Variants in MED12L observed in about 807,000 individuals in gnomAD.
MED12L encodes mediator complex subunit 12L.
Under a neutral mutation model 281.3 loss-of-function variants are expected in MED12L, and 60 were observed. That is an observed-to-expected ratio of 0.21 (90% CI 0.17 to 0.26). The LOEUF (loss-of-function observed/expected upper bound fraction) is 0.26. Ranked by LOEUF, MED12L falls within the 10% of genes least tolerant of loss-of-function variation. MED12L has a pLI of 1.00. For missense variants in MED12L, 2,146 were observed against 2,680.9 expected (o/e 0.80, Z 4.41); for synonymous variants, 974 against 987.2 (o/e 0.99, Z 0.25).
At chr3:151,143,349 TTAAC>T (rs1408491994) in intron 5 of MED12L, among the ~76,000 whole-genome samples, 1 of 152,242 alleles carries the variant, frequency 6.6e-6, no homozygotes, top group Non-Finnish European at 1.5e-5. Flanking sequence ...CAATGCCACT[TTAAC>T]TATTGAAACG....
At position 151,168,998 on chromosome 3, in the gene MED12L, C is replaced by T. The variant is rs1359320361; in HGVS notation, c.1494+3016C>T. On this transcript the variant is annotated intron_variant, in intron 11 of 44. Coordinates refer to ENST00000687756, the MANE Select transcript of MED12L (RefSeq NM_001393769.1). The stretch of plus-strand genomic sequence containing the variant: ...GACTAAATTAATTTTTAAAATATGT[C>T]GTTGGTATCTGTATGTATGGTATAT... Among the ~76,000 whole-genome samples the T allele has an allele frequency of 4.6e-5, 7 of 151,454 alleles. No homozygotes were observed. The South Asian group carries it at 6.3e-4, about 14-fold the overall frequency.
At chr3:151,339,588 T>G (rs377434894) in intron 16 of MED12L, among the ~76,000 whole-genome samples, 7 of 152,230 alleles carry the variant, frequency 4.6e-5, no homozygotes, top group African/African-American at 1.7e-4. Context: ...CTCAGTGTTT[T>G]GAAGTTGCTG....
At chr3:151,198,342 G>GT (rs11431846) in intron 16 of MED12L, 97,389 of 677,566 alleles carry the variant, frequency 0.14, 6,251 homozygotes, top group African/African-American at 0.5. Flanking sequence ...GTTTTTTTTT[G>GT]TTTTTTTTTT....
At chr3:151,228,187 T>C (rs1030652775) in intron 16 of MED12L, among the ~76,000 whole-genome samples, 1 of 152,224 alleles carries the variant, frequency 6.6e-6, no homozygotes, top group African/African-American at 2.4e-5. Flanking sequence ...TGCAGCATAA[T>C]GATTACATGC....
intron 32 of MED12L, among the ~76,000 whole-genome samples, chr3:151,381,441 C>T (rs538755937): frequency 6.6e-6 from 1 of 152,320 alleles, no homozygotes; most frequent in Admixed American, 6.5e-5. Flanking sequence ...ACCTTGTCTC[C>T]TACCAGTCAT....
intron 16 of MED12L, among the ~76,000 whole-genome samples, chr3:151,274,167 G>T: frequency 6.6e-6 from 1 of 152,110 alleles, no homozygotes. Context: ...AAAAGATTAA[G>T]CAATTAATGT....
chr3:151,339,928 T>A (rs188544221), intron 16 of MED12L, among the ~76,000 whole-genome samples: 74 of 152,266 alleles, frequency 4.9e-4, no homozygotes, highest in African/African-American at 1.7e-3. Flanking sequence ...ATCAGAGATA[T>A]ATTGAAAGTA....
chr3:151,150,190 T>A (rs1023050423), intron 5 of MED12L, among the ~76,000 whole-genome samples: 8 of 152,212 alleles, frequency 5.3e-5, no homozygotes, highest in Non-Finnish European at 1.0e-4. Flanking sequence ...ATGAAATATA[T>A]GTCTTAAATA....
intron 36 of MED12L, among the ~76,000 whole-genome samples, chr3:151,386,729 T>C (rs79320243): frequency 0.37 from 56,884 of 151,806 alleles, 11,136 homozygotes; most frequent in Middle Eastern, 0.48. Context: ...GTGCCTGCCA[T>C]CATGCCTGGC....
intron 5 of MED12L, among the ~76,000 whole-genome samples, chr3:151,150,764 G>A (rs1174542132): frequency 6.6e-6 from 1 of 152,226 alleles, no homozygotes; most frequent in Non-Finnish European, 1.5e-5. Context: ...CAGCATTGCT[G>A]CTTCACCTTA....
chr3:151,103,197 G>A (rs1721603623), intron 2 of MED12L, among the ~76,000 whole-genome samples: 4 of 145,018 alleles, frequency 2.8e-5, no homozygotes, highest in Non-Finnish European at 6.0e-5. Flanking sequence ...TTATGAATAT[G>A]CAAATCTAAA....
At chr3:151,118,154 G>T (rs1231470546) in intron 3 of MED12L, among the ~76,000 whole-genome samples, 1 of 151,152 alleles carries the variant, frequency 6.6e-6, no homozygotes, top group Non-Finnish European at 1.5e-5. Context: ...ATCTTTTAGG[G>T]TTTTTTTTAT....
At chr3:151,249,790 G>A (rs1736478564) in intron 16 of MED12L, among the ~76,000 whole-genome samples, 1 of 152,046 alleles carries the variant, frequency 6.6e-6, no homozygotes, top group African/African-American at 2.4e-5. Context: ...TCTTTAACAA[G>A]TTCTTCCTGG....
intron 38 of MED12L, among the ~76,000 whole-genome samples, chr3:151,393,315 G>GAAAA (rs1317550396): frequency 1.3e-5 from 2 of 152,204 alleles, no homozygotes; most frequent in Admixed American, 6.5e-5. Context: ...ATTCTTTAGA[G>GAAAA]GCTTTGATCA....
At chr3:151,220,176 T>G (rs1729068286) in intron 16 of MED12L, among the ~76,000 whole-genome samples, 1 of 150,134 alleles carries the variant, frequency 6.7e-6, no homozygotes, top group African/African-American at 2.5e-5. Context: ...TTTCTAGACT[T>G]TGCCAAATGT....
chr3:151,399,778 C>G (rs956314797), intron 39 of MED12L, among the ~76,000 whole-genome samples: 2 of 151,984 alleles, frequency 1.3e-5, no homozygotes, highest in Non-Finnish European at 2.9e-5. Flanking sequence ...CTCACTCTAT[C>G]GATCATCTAG....
chr3:151,086,682 C>T, intron 1 of MED12L, 116 bp from the exon 2 acceptor site: 1 of 363,420 alleles, frequency 2.8e-6, no homozygotes, highest in South Asian at 5.4e-5. Context: ...GCCACCGGAG[C>T]GGTGCGTCCC....
chr3:151,267,309 T>TA (rs767901342), intron 16 of MED12L, among the ~76,000 whole-genome samples: 1 of 152,202 alleles, frequency 6.6e-6, no homozygotes, highest in Non-Finnish European at 1.5e-5. Context: ...AAGGAAATGG[T>TA]AGTCATTGAA....
intron 11 of MED12L, among the ~76,000 whole-genome samples, chr3:151,174,767 G>C (rs969080204): frequency 1.6e-4 from 25 of 151,960 alleles, no homozygotes; most frequent in African/African-American, 6.0e-4. Flanking sequence ...GCCCAGGCTG[G>C]AGTGCGGTGG....
Sources: allele counts gnomAD v4.1 joint callset (sites outside exome capture counted in the v4.1 genomes callset), GRCh38; gene constraint gnomAD v4.1.1; transcripts MANE v1.5; gene names NCBI Gene and HGNC (gene_info 2026-07-23, HGNC 2026-07-21).